The following RTTN variants were observed in gnomAD, a reference collection of about 807,000 sequenced individuals.
RTTN encodes rotatin.
Under a neutral mutation model 269.2 loss-of-function variants are expected in RTTN, and 182 were observed. The observed-to-expected ratio is 0.68, with a 90% CI of 0.60 to 0.76. The LOEUF is 0.76. Ranked by LOEUF, RTTN falls within the 30% of genes least tolerant of loss-of-function variation. RTTN has a pLI of 0.00. For synonymous variants in RTTN, 1,006 were observed against 963.5 expected (o/e 1.04, Z -0.82); for missense variants, 2,545 against 2,608.6 (o/e 0.98, Z 0.53).
chr18:70,086,562 C>T (rs776916430), intron 32 of RTTN, 51 bp downstream of exon 32: 1 of 1,335,078 alleles, frequency 7.5e-7, no homozygotes. Flanking sequence ...AAATTTATCA[C>T]CAATTAATTT....
At chr18:70,054,383 T>A in intron 37 of RTTN, 99 bp from the exon 38 acceptor site, 1 of 1,121,940 alleles carries the variant, frequency 8.9e-7, no homozygotes, top group Non-Finnish European at 1.2e-6. Context: ...AAAAATAAAA[T>A]ATTAACCATA....
chr18:70,197,549 C>T lies in RTTN; in HGVS notation c.693+75G>A, dbSNP rs563045887. 1.3e-5 allele frequency: 11 copies of T among 857,768 alleles called. No individual in the cohort carries two copies. In the South Asian group the frequency reaches 1.4e-4, roughly 11 times the overall value. 53.1% of individuals were successfully genotyped at this position (857,768 alleles called of 1,614,324 possible). A position where few individuals can be genotyped will look rare whatever the true frequency, so the allele number is the denominator to read the frequency against. Reference sequence around the variant, plus strand: ...AGTACAAAGTTCCTTCCCAAGAACTCCTACTCTGCAAAATTTGCTTTATTG... The same window carrying T: ...AGTACAAAGTTCCTTCCCAAGAACTTCTACTCTGCAAAATTTGCTTTATTG... On this transcript the variant is annotated intron_variant, in intron 6 of 48. Transcript: ENST00000640769.
At chr18:70,065,606 C>A (rs1231525706) in intron 35 of RTTN, among the ~76,000 whole-genome samples, 1 of 152,068 alleles carries the variant, frequency 6.6e-6, no homozygotes, top group Non-Finnish European at 1.5e-5. Context: ...TAATAAGGAG[C>A]CACACAGGAA....
chr18:70,183,953 A>G (rs1408390140), intron 10 of RTTN, among the ~76,000 whole-genome samples: 1 of 152,084 alleles, frequency 6.6e-6, no homozygotes, highest in Non-Finnish European at 1.5e-5. Context: ...ATTTTTGAAG[A>G]GACAAGATCT....
chr18:70,074,904 A>G (rs2058387422), intron 33 of RTTN: 1 of 151,992 alleles, frequency 6.6e-6, no homozygotes, highest in South Asian at 2.1e-4. Flanking sequence ...ATGAATTAGA[A>G]AATATAGTGG....
At chr18:70,141,163 CTAAAAA>C (rs1216263610) in intron 19 of RTTN, among the ~76,000 whole-genome samples, 1 of 152,094 alleles carries the variant, frequency 6.6e-6, no homozygotes, top group East Asian at 1.9e-4. Context: ...GTTGTTAAAA[CTAAAAA>C]TATGTGGAAT....
At chr18:70,053,864 G>A (rs1329130696) in intron 38 of RTTN, among the ~76,000 whole-genome samples, 3 of 152,178 alleles carry the variant, frequency 2.0e-5, no homozygotes, top group Non-Finnish European at 2.9e-5. Context: ...TTAATACCCA[G>A]AACTCACTGT....
intron 40 of RTTN, among the ~76,000 whole-genome samples, chr18:70,045,678 T>G (rs1477665333): frequency 6.6e-6 from 1 of 152,208 alleles, no homozygotes; most frequent in African/African-American, 2.4e-5. Context: ...TTGTCATGAG[T>G]GTGCCAGGAG....
chr18:70,101,739 C>T (rs1469745871), intron 28 of RTTN, among the ~76,000 whole-genome samples: 2 of 152,086 alleles, frequency 1.3e-5, no homozygotes, highest in African/African-American at 4.8e-5. Flanking sequence ...CCTTTACACA[C>T]TGCTTTAAAT....
chr18:70,035,480 A>G (rs1418670491), intron 40 of RTTN, among the ~76,000 whole-genome samples: 2 of 152,234 alleles, frequency 1.3e-5, no homozygotes, highest in Admixed American at 1.3e-4. Flanking sequence ...CTGTTCGATA[A>G]ATGGTGCTGG....
chr18:70,195,766 T>C (rs2061790298), intron 7 of RTTN, among the ~76,000 whole-genome samples: 1 of 152,240 alleles, frequency 6.6e-6, no homozygotes. Flanking sequence ...CTTTTTCTGT[T>C]GAAGTATGGG....
At chr18:70,084,366 T>C (rs2058648463) in intron 32 of RTTN, among the ~76,000 whole-genome samples, 1 of 152,202 alleles carries the variant, frequency 6.6e-6, no homozygotes, top group South Asian at 2.1e-4. Flanking sequence ...TTTTGTTGAA[T>C]AAGATTATTA....
intron 11 of RTTN, among the ~76,000 whole-genome samples, chr18:70,170,644 C>A (rs939027480): frequency 1.2e-4 from 19 of 152,148 alleles, no homozygotes; most frequent in African/African-American, 4.3e-4. Flanking sequence ...TGGGCCAGAT[C>A]AGTTAAGGCT....
chr18:70,125,236 G>T (rs1434607607), intron 25 of RTTN, among the ~76,000 whole-genome samples: 2 of 151,866 alleles, frequency 1.3e-5, no homozygotes, highest in African/African-American at 4.8e-5. Context: ...CATGGTTTAG[G>T]GTGGTGTTCA....
intron 40 of RTTN, among the ~76,000 whole-genome samples, chr18:70,040,053 A>AAAG (rs34550856): frequency 0.81 from 122,519 of 151,918 alleles, 53,841 homozygotes; most frequent in East Asian, 1. Context: ...AGAAGGAATT[A>AAAG]AAGAATGAGA....
chr18:70,191,150 C>T (rs1052750909), intron 8 of RTTN, among the ~76,000 whole-genome samples: 4 of 151,290 alleles, frequency 2.6e-5, no homozygotes, highest in Non-Finnish European at 4.4e-5. Context: ...GCTGAGATAG[C>T]GACACTGCAC....
At chr18:70,103,591 T>C (rs1388356314) in intron 28 of RTTN, among the ~76,000 whole-genome samples, 7 of 151,950 alleles carry the variant, frequency 4.6e-5, no homozygotes, top group African/African-American at 1.7e-4. Context: ...CACTCCCTAA[T>C]CTCAAGTACC....
intron 10 of RTTN, among the ~76,000 whole-genome samples, chr18:70,184,731 T>G: frequency 1.2e-5 from 1 of 86,054 alleles, no homozygotes; most frequent in East Asian, 4.0e-4. Flanking sequence ...TGTGTGTGTG[T>G]GTGTGTGTGT....
intron 12 of RTTN, 97 bp downstream of exon 12, chr18:70,168,758 G>A (rs551169398): frequency 1.1e-5 from 10 of 902,870 alleles, no homozygotes; most frequent in Middle Eastern, 3.5e-4. Context: ...TCCCACCTGT[G>A]ACAATTTAAT....
Sources: gnomAD v4.1 joint callset for allele counts (sites outside exome capture counted in the v4.1 genomes callset) on GRCh38, gnomAD v4.1.1 for gene constraint, MANE v1.5 for transcripts, NCBI Gene and HGNC (gene_info 2026-07-23, HGNC 2026-07-21) for gene names.